The following TRDN variants were observed in gnomAD, a reference collection of about 807,000 sequenced individuals.
TRDN encodes the protein triadin.
A neutral mutation model predicts 149.7 loss-of-function variants in TRDN; 161 were observed. The observed-to-expected ratio is 1.08, with a 90% CI of 0.95 to 1.23. The LOEUF is 1.23. TRDN is among the 50% of genes most tolerant of loss of function. TRDN has a pLI of 0.00. For missense variants in TRDN, 896 were observed against 823.5 expected, an observed-to-expected ratio of 1.09 and a Z score of -1.08; for synonymous variants, 294 against 250.5, an observed-to-expected ratio of 1.17 and a Z score of -1.64.
At chr6:123,414,331 G>A (rs1269375343) in intron 12 of TRDN, among the ~76,000 whole-genome samples, 2 of 151,970 alleles carry the variant, frequency 1.3e-5, no homozygotes, top group African/African-American at 4.8e-5. Context: ...CATGTTTAAC[G>A]AGAACGTACT....
chr6:123,457,139 T>G (rs564506911), intron 10 of TRDN, among the ~76,000 whole-genome samples: 5 of 152,316 alleles, frequency 3.3e-5, no homozygotes, highest in African/African-American at 1.2e-4. Context: ...CAAGTCAAAA[T>G]GCAAGTAAAA....
At chr6:123,488,994 A>G (rs1346721119) in intron 9 of TRDN, 1 of 152,096 alleles carries the variant, frequency 6.6e-6, no homozygotes, top group African/African-American at 2.4e-5. Context: ...CCTGGTGGAG[A>G]GTAAATATTT....
At chr6:123,243,924 A>G (rs879728199) in intron 38 of TRDN, among the ~76,000 whole-genome samples, 6 of 151,896 alleles carry the variant, frequency 4.0e-5, no homozygotes, top group Non-Finnish European at 5.9e-5. Flanking sequence ...CAAGTCTAGC[A>G]AGACACTTGG....
At chr6:123,476,724 G>A (rs1242537896) in intron 9 of TRDN, among the ~76,000 whole-genome samples, 11 of 145,808 alleles carry the variant, frequency 7.5e-5, no homozygotes, top group South Asian at 2.2e-4. Context: ...ATAGATCAAT[G>A]GAACAGAACA....
intron 7 of TRDN, among the ~76,000 whole-genome samples, chr6:123,508,448 G>A (rs1365191394): frequency 2.0e-5 from 3 of 152,088 alleles, no homozygotes; most frequent in Non-Finnish European, 2.9e-5. Context: ...AAGTGACCAA[G>A]GCAGCAATAA....
intron 1 of TRDN, among the ~76,000 whole-genome samples, chr6:123,630,292 A>G (rs1432151357): frequency 6.6e-6 from 1 of 152,078 alleles, no homozygotes; most frequent in Non-Finnish European, 1.5e-5. Flanking sequence ...TTAAGCTCCA[A>G]CTAAGCATAA....
chr6:123,589,702 A>C (rs1783688973), intron 1 of TRDN, among the ~76,000 whole-genome samples: 1 of 152,200 alleles, frequency 6.6e-6, no homozygotes, highest in Non-Finnish European at 1.5e-5. Flanking sequence ...AGAGAGTATG[A>C]CAGTCCCCCT....
intron 24 of TRDN, among the ~76,000 whole-genome samples, chr6:123,280,770 T>C (rs1352479048): frequency 6.6e-6 from 1 of 151,874 alleles, no homozygotes; most frequent in African/African-American, 2.4e-5. Flanking sequence ...TACTACTTGG[T>C]AGATCTCTTT....
At chr6:123,231,839 A>G (rs1775613673) in intron 38 of TRDN, among the ~76,000 whole-genome samples, 2 of 152,012 alleles carry the variant, frequency 1.3e-5, no homozygotes, top group African/African-American at 4.8e-5. Flanking sequence ...CTGATTGGTC[A>G]AAGTAGAATT....
At chr6:123,348,085 T>C (rs553476101) in intron 21 of TRDN, among the ~76,000 whole-genome samples, 1 of 152,198 alleles carries the variant, frequency 6.6e-6, no homozygotes, top group East Asian at 1.9e-4. Context: ...TTTTTTTCTG[T>C]ATAAAAATCA....
At chr6:123,380,399 T>G (rs568242980) in intron 16 of TRDN, among the ~76,000 whole-genome samples, 1 of 152,306 alleles carries the variant, frequency 6.6e-6, no homozygotes, top group African/African-American at 2.4e-5. Flanking sequence ...GTTTATAGAG[T>G]GCTTTCTGTA....
intron 1 of TRDN, among the ~76,000 whole-genome samples, chr6:123,592,777 T>C (rs1340391712): frequency 2.6e-5 from 4 of 152,224 alleles, no homozygotes; most frequent in Non-Finnish European, 5.9e-5. Context: ...CTCATGTTTT[T>C]GGAACCTACT....
chr6:123,375,279 T>C (rs1781464396), intron 19 of TRDN, among the ~76,000 whole-genome samples: 3 of 152,148 alleles, frequency 2.0e-5, no homozygotes, highest in Admixed American at 2.0e-4. Flanking sequence ...TTTGATCAAC[T>C]GATTAATCTT....
chr6:123,588,487 G>T (rs544184436), intron 1 of TRDN, among the ~76,000 whole-genome samples: 4 of 152,346 alleles, frequency 2.6e-5, no homozygotes, highest in Admixed American at 2.6e-4. Context: ...TCCCTGGGCA[G>T]AGAGGAAGGA....
At chr6:123,524,580 C>G (rs1212619621) in intron 5 of TRDN, among the ~76,000 whole-genome samples, 1 of 151,996 alleles carries the variant, frequency 6.6e-6, no homozygotes, top group African/African-American at 2.4e-5. Flanking sequence ...AAACTGTGTC[C>G]TATTGTCAAG....
intron 38 of TRDN, among the ~76,000 whole-genome samples, chr6:123,227,401 A>G (rs182903276): frequency 6.6e-6 from 1 of 152,012 alleles, no homozygotes; most frequent in African/African-American, 2.4e-5. Context: ...AACTACAATG[A>G]AGTCCCTAGG....
In TRDN at chr6:123,488,170, T is replaced by A. The variant is rs76383626; in HGVS notation, c.853+9023A>T. 2.9e-3 allele frequency among the ~76,000 whole-genome samples: 437 copies of A among 152,248 alleles called. 2 individuals are homozygous for A. Among genetic ancestry groups the A allele is most frequent in the African/African-American group, 1.0e-2 (414 of 41,566 alleles). On this transcript the variant is annotated intron_variant, in intron 9 of 40. Transcript: ENST00000334268. ...TTCACCTCTGACCTTTCTCCAAAAC[T>A]CCACACTTGATTATCTAGCTGCTTA... is the stretch of plus-strand genomic sequence containing the variant.
chr6:123,498,786 T>C (rs1778558947), intron 8 of TRDN: 2 of 350,320 alleles, frequency 5.7e-6, no homozygotes, highest in African/African-American at 2.1e-5. Flanking sequence ...TTCCCTTAAA[T>C]GAAAAGTTTG....
At chr6:123,506,825 T>C (rs1054419722) in intron 7 of TRDN, among the ~76,000 whole-genome samples, 6 of 152,196 alleles carry the variant, frequency 3.9e-5, no homozygotes, top group Non-Finnish European at 8.8e-5. Flanking sequence ...TAATAATGTC[T>C]TCCCATGAGC....
Sources: allele counts gnomAD v4.1 joint callset (sites outside exome capture counted in the v4.1 genomes callset), GRCh38; gene constraint gnomAD v4.1.1; transcripts MANE v1.5; gene names NCBI Gene and HGNC (gene_info 2026-07-23, HGNC 2026-07-21).